The following SNX18 variants were observed in gnomAD, a reference collection of about 807,000 sequenced individuals.
The protein encoded by SNX18 is sorting nexin-18.
SNX18 carries 35 observed loss-of-function variants against 48.7 expected under a neutral mutation model. That is an observed-to-expected ratio of 0.72 (90% confidence interval 0.55 to 0.95). SNX18 has a LOEUF of 0.95. Ranked by LOEUF, SNX18 falls within the 40% of genes least tolerant of loss-of-function variation. The pLI is 0.00. For synonymous variants in SNX18, 492 were observed against 384.7 expected (o/e 1.28, Z -3.26); for missense variants, 824 against 871.0 (o/e 0.95, Z 0.68).
the SNX18 span, chr5:54,644,757 G>A: frequency 6.6e-6 from 1 of 152,368 alleles, no homozygotes; most frequent in South Asian, 2.1e-4. Flanking sequence ...GCTATCTTGG[G>A]ACAAGGGGAG....
rs1372903912 is a variant in SNX18, at chr5:54,544,395, A to G, written c.*963A>G. The G allele has an allele frequency of 9.9e-6, 1 of 101,212 alleles. No individual in the cohort carries two copies. The highest frequency in any genetic ancestry group is 4.0e-5 in the African/African-American group (1 of 25,058). 6.3% of individuals were successfully genotyped at this position (101,212 alleles called of 1,614,324 possible). A position where few individuals can be genotyped will look rare whatever the true frequency, so the allele number is the denominator to read the frequency against. On this transcript the variant is annotated 3_prime_UTR_variant, in exon 2 of 2. Coordinates refer to ENST00000381410, the MANE Select transcript of SNX18 (RefSeq NM_001102575.2). ...TTTTTAGGTTGAAGATTTTCTTTTAATATTCAGTTTTTTGAAAAAAAATGG... is the reference window on the plus strand; with the variant it reads ...TTTTTAGGTTGAAGATTTTCTTTTAGTATTCAGTTTTTTGAAAAAAAATGG...
the SNX18 span, among the ~76,000 whole-genome samples, chr5:54,619,148 G>T: frequency 2.0e-5 from 3 of 151,968 alleles, no homozygotes; most frequent in African/African-American, 7.3e-5. Flanking sequence ...TGAAAGGAAG[G>T]CCCCCGCTCC....
chr5:54,563,044 AAG>A, the SNX18 span, among the ~76,000 whole-genome samples: 1 of 152,262 alleles, frequency 6.6e-6, no homozygotes, highest in Admixed American at 6.5e-5. Flanking sequence ...AATATTAAAA[AAG>A]AAAATAATTT....
chr5:54,535,252 GA>G (rs1762330376), intron 1 of SNX18, among the ~76,000 whole-genome samples: 1 of 152,090 alleles, frequency 6.6e-6, no homozygotes, highest in South Asian at 2.1e-4. Context: ...TAGATACAAA[GA>G]AAAAAGGTAG....
chr5:54,608,244 T>C, the SNX18 span, among the ~76,000 whole-genome samples: 14 of 152,340 alleles, frequency 9.2e-5, no homozygotes, highest in African/African-American at 3.4e-4. Context: ...ATGGCTTTAA[T>C]TTGGCTTTCC....
At chr5:54,526,735 G>A (rs1290270438) in intron 1 of SNX18, among the ~76,000 whole-genome samples, 1 of 152,174 alleles carries the variant, frequency 6.6e-6, no homozygotes, top group Admixed American at 6.5e-5. Flanking sequence ...TTGCAGTCTA[G>A]CAGGGTGGAG....
chr5:54,638,651 G>A, the SNX18 span, among the ~76,000 whole-genome samples: 2 of 152,158 alleles, frequency 1.3e-5, no homozygotes, highest in Admixed American at 6.5e-5. Context: ...GGCACTGACT[G>A]CTAATATTTA....
At chr5:54,561,509 T>TC in the SNX18 span, among the ~76,000 whole-genome samples, 6 of 151,024 alleles carry the variant, frequency 4.0e-5, no homozygotes, top group East Asian at 9.8e-4. Flanking sequence ...AGCTAATTTT[T>TC]TTTTTTTTTT....
intron 1 of SNX18, among the ~76,000 whole-genome samples, chr5:54,539,448 T>C (rs1326279571): frequency 6.6e-6 from 1 of 152,222 alleles, no homozygotes; most frequent in Non-Finnish European, 1.5e-5. Flanking sequence ...AGATATTCTA[T>C]TCCCTGCCCT....
chr5:54,549,345 C>A (rs184917930), downstream of SNX18, among the ~76,000 whole-genome samples: 7 of 152,324 alleles, frequency 4.6e-5, no homozygotes, highest in Admixed American at 4.6e-4. Context: ...GGCAGAGGTT[C>A]CTGCTTTAGC....
intron 1 of SNX18, among the ~76,000 whole-genome samples, chr5:54,538,001 T>A (rs769685495): frequency 6.6e-6 from 1 of 152,236 alleles, no homozygotes; most frequent in Non-Finnish European, 1.5e-5. Flanking sequence ...AAGTCTATGA[T>A]GATCTAACTC....
intron 1 of SNX18, among the ~76,000 whole-genome samples, chr5:54,536,733 G>A (rs538055999): frequency 6.6e-6 from 1 of 152,246 alleles, no homozygotes; most frequent in Non-Finnish European, 1.5e-5. Context: ...ATAATCCTTT[G>A]GATATATACC....
In SNX18 at chr5:54,517,974, C is replaced by T; in HGVS notation, c.22C>T (p.Leu8=). 6.5e-7 allele frequency: 1 copy of T among 1,530,472 alleles called. No individual in the cohort carries two copies. The allele number at this position is 1,530,472 out of a possible 1,614,324, so 94.8% of individuals were successfully genotyped here. The part of the protein sequence containing the change: MALRARA[L]YDFRSENPGE... ...GACCATGGCGCTGCGCGCCCGGGCG[C>T]TGTACGACTTCAGGTCGGAGAACCC... The change falls in exon 1 of 2, where the codon CTG becomes TTG. Residue 8 remains leucine, a synonymous_variant. Transcript: ENST00000381410.
chr5:54,557,879 CT>C, the SNX18 span, among the ~76,000 whole-genome samples: 1 of 152,182 alleles, frequency 6.6e-6, no homozygotes, highest in Non-Finnish European at 1.5e-5. Flanking sequence ...CATGTATTGT[CT>C]TTTTTTTAAA....
At chr5:54,532,323 T>C (rs1762266127) in intron 1 of SNX18, among the ~76,000 whole-genome samples, 1 of 150,294 alleles carries the variant, frequency 6.7e-6, no homozygotes, top group Non-Finnish European at 1.5e-5. Context: ...TTTTTTCTTT[T>C]TTTTTTTTTG....
chr5:54,642,338 A>G, the SNX18 span, among the ~76,000 whole-genome samples: 4 of 151,886 alleles, frequency 2.6e-5, no homozygotes, highest in Non-Finnish European at 4.4e-5. Context: ...ACGTGCAGGA[A>G]TGGGTGTAGG....
downstream of SNX18, among the ~76,000 whole-genome samples, chr5:54,546,799 C>T (rs921968614): frequency 7.9e-5 from 12 of 152,168 alleles, no homozygotes; most frequent in Non-Finnish European, 1.6e-4. Context: ...CCATTAGTGA[C>T]ATCAGGAATT....
At chr5:54,603,483 C>T in the SNX18 span, among the ~76,000 whole-genome samples, 1 of 152,064 alleles carries the variant, frequency 6.6e-6, no homozygotes, top group Non-Finnish European at 1.5e-5. Context: ...TTTATCTGAA[C>T]CCAAGACTCA....
chr5:54,522,023 A>G (rs1219591581), intron 1 of SNX18, among the ~76,000 whole-genome samples: 1 of 152,218 alleles, frequency 6.6e-6, no homozygotes, highest in Non-Finnish European at 1.5e-5. Context: ...ACAGCAGTTG[A>G]TATTCAGTAT....
Sources: allele counts gnomAD v4.1 joint callset (sites outside exome capture counted in the v4.1 genomes callset), GRCh38; gene constraint gnomAD v4.1.1; transcripts MANE v1.5; gene names NCBI Gene and HGNC (gene_info 2026-07-23, HGNC 2026-07-21).